ATP8A2: variants seen among roughly 807,000 people sequenced by gnomAD.
ATP8A2 encodes the protein ATPase phospholipid transporting 8A2.
ATP8A2 carries 100 observed loss-of-function variants against 165.6 expected under a neutral mutation model. The ratio of observed to expected loss-of-function variants is 0.60; its 90% CI spans 0.51 to 0.71. The LOEUF (loss-of-function observed/expected upper bound fraction) is 0.71, where lower values mean the gene tolerates loss of function less well. ATP8A2 is among the 30% of genes least tolerant of loss of function. The pLI is 0.00. For synonymous variants in ATP8A2, 543 were observed against 548.8 expected (o/e 0.99, Z 0.15); for missense variants, 1,227 against 1,479.5 (o/e 0.83, Z 2.80).
At chr13:26,018,571 A>T (rs1957033308) in intron 36 of ATP8A2, among the ~76,000 whole-genome samples, 1 of 152,210 alleles carries the variant, frequency 6.6e-6, no homozygotes, top group Non-Finnish European at 1.5e-5. Flanking sequence ...TTTGGCCAGA[A>T]TGTCTAATTG....
intron 25 of ATP8A2, among the ~76,000 whole-genome samples, chr13:25,755,776 G>A (rs1241204618): frequency 2.0e-5 from 3 of 151,910 alleles, no homozygotes; most frequent in African/African-American, 4.8e-5. Context: ...GCATGGTGGC[G>A]GGCATGTATA....
At chr13:25,382,319 G>A (rs2032867945) in intron 1 of ATP8A2, among the ~76,000 whole-genome samples, 1 of 152,124 alleles carries the variant, frequency 6.6e-6, no homozygotes, top group East Asian at 1.9e-4. Flanking sequence ...GTACCACAGT[G>A]TATCAATTCA....
At chr13:25,562,176 G>A (rs1330473074) in intron 15 of ATP8A2, among the ~76,000 whole-genome samples, 1 of 152,104 alleles carries the variant, frequency 6.6e-6, no homozygotes, top group African/African-American at 2.4e-5. Flanking sequence ...TTCTGTGTTT[G>A]ACTTTTTGAG....
chr13:25,905,204 T>C (rs1253136166), intron 33 of ATP8A2, among the ~76,000 whole-genome samples: 1 of 152,058 alleles, frequency 6.6e-6, no homozygotes, highest in Non-Finnish European at 1.5e-5. Context: ...CCTCTACTAC[T>C]CTCTCTTTCC....
At chr13:25,502,681 ACTGACGAATTCACT>A (rs1239208435) in intron 2 of ATP8A2, among the ~76,000 whole-genome samples, 3 of 152,204 alleles carry the variant, frequency 2.0e-5, no homozygotes, top group Middle Eastern at 3.2e-3. Context: ...TACCTAGAAC[ACTGACGAATTCACT>A]CCTACTTGTC....
chr13:25,760,228 A>G (rs1046414939), intron 25 of ATP8A2, among the ~76,000 whole-genome samples: 4 of 152,078 alleles, frequency 2.6e-5, no homozygotes, highest in Non-Finnish European at 5.9e-5. Context: ...CTGACCTGTA[A>G]CTCCTGTTTC....
At chr13:25,386,150 A>G (rs1252605876) in intron 1 of ATP8A2, among the ~76,000 whole-genome samples, 1 of 152,002 alleles carries the variant, frequency 6.6e-6, no homozygotes, top group African/African-American at 2.4e-5. Flanking sequence ...TCCTGGCCTT[A>G]AGTAATCCAC....
intron 24 of ATP8A2, among the ~76,000 whole-genome samples, chr13:25,672,464 A>G (rs977396550): frequency 6.6e-6 from 1 of 151,636 alleles, no homozygotes; most frequent in Admixed American, 6.6e-5. Flanking sequence ...GAATGGAGGC[A>G]GGAAGATATT....
At chr13:25,842,015 C>A (rs565068669) in intron 30 of ATP8A2, among the ~76,000 whole-genome samples, 2 of 152,244 alleles carry the variant, frequency 1.3e-5, no homozygotes, top group East Asian at 3.9e-4. Context: ...GCCACAGCTC[C>A]CAGCACCACT....
chr13:25,545,166 C>T (rs1282774400), intron 10 of ATP8A2, among the ~76,000 whole-genome samples: 1 of 151,818 alleles, frequency 6.6e-6, no homozygotes, highest in African/African-American at 2.4e-5. Flanking sequence ...GTGCAGTGGC[C>T]TGTTGCAGAG....
chr13:26,011,054 C>A (rs1211998179), intron 35 of ATP8A2, among the ~76,000 whole-genome samples: 1 of 152,108 alleles, frequency 6.6e-6, no homozygotes, highest in African/African-American at 2.4e-5. Flanking sequence ...GCTCACTGAT[C>A]GATCGGGGGC....
At chr13:25,856,009 A>G (rs963929519) in intron 30 of ATP8A2, among the ~76,000 whole-genome samples, 2 of 152,006 alleles carry the variant, frequency 1.3e-5, no homozygotes, top group African/African-American at 4.8e-5. Flanking sequence ...TGGCCTTTTT[A>G]CTGTTGAGTT....
In ATP8A2 at chr13:25,842,385, T is replaced by G. The variant is rs150001069; in HGVS notation, c.2956+2761T>G. On this transcript the variant is annotated intron_variant, in intron 30 of 36. Coordinates refer to ENST00000381655, the MANE Select transcript of ATP8A2 (RefSeq NM_016529.6). ...GGCTTTGAGTATGAGGTTAAGAAAC[T>G]GGGATGTGGCTGGGCGTGGTGTCTC... Among the ~76,000 whole-genome samples, 1,134 of 152,254 alleles carry G rather than the reference T, an allele frequency of 7.4e-3. 10 individuals are homozygous for G. The highest frequency in any genetic ancestry group is 0.023 in the African/African-American group (961 of 41,558).
At chr13:25,456,149 G>A (rs1197972829) in intron 1 of ATP8A2, among the ~76,000 whole-genome samples, 1 of 152,192 alleles carries the variant, frequency 6.6e-6, no homozygotes, top group Non-Finnish European at 1.5e-5. Context: ...TGCTTTGGAA[G>A]CTTTTAGATG....
intron 24 of ATP8A2, among the ~76,000 whole-genome samples, chr13:25,654,226 GAC>G (rs1314864467): frequency 7.7e-5 from 6 of 77,808 alleles, no homozygotes; most frequent in South Asian, 2.9e-4. Context: ...TTGGTTTTTA[GAC>G]AGGGTCTCAC....
chr13:25,495,410 C>A (rs747528986), intron 2 of ATP8A2, among the ~76,000 whole-genome samples: 33 of 151,998 alleles, frequency 2.2e-4, no homozygotes, highest in Non-Finnish European at 4.6e-4. Context: ...TGGAAGGACC[C>A]TTCCTTACCT....
intron 2 of ATP8A2, among the ~76,000 whole-genome samples, chr13:25,517,675 G>C (rs75657875): frequency 0.022 from 3,390 of 152,246 alleles, 54 homozygotes; most frequent in African/African-American, 0.044. Flanking sequence ...TACCTCTCCT[G>C]GTCCAATTAC....
chr13:25,669,716 G>A (rs2042226105), intron 24 of ATP8A2, among the ~76,000 whole-genome samples: 1 of 152,024 alleles, frequency 6.6e-6, no homozygotes, highest in African/African-American at 2.4e-5. Flanking sequence ...TTCCTTCTTA[G>A]CCTCCACCTT....
At chr13:25,889,245 C>CATATATATATATATATATATATATATAT (rs200723564) in intron 33 of ATP8A2, among the ~76,000 whole-genome samples, 14 of 109,932 alleles carry the variant, frequency 1.3e-4, no homozygotes, top group Admixed American at 3.0e-4. Flanking sequence ...CATCCTTTGT[C>CATATATATATATATATATATATATATAT]ATATATATAT....
Sources: gnomAD v4.1 joint callset for allele counts (sites outside exome capture counted in the v4.1 genomes callset) on GRCh38, gnomAD v4.1.1 for gene constraint, MANE v1.5 for transcripts, NCBI Gene and HGNC (gene_info 2026-07-23, HGNC 2026-07-21) for gene names.